DLGAP2: variants seen among roughly 807,000 people sequenced by gnomAD.
DLGAP2 encodes DLG associated protein 2.
Under a neutral mutation model 100.3 loss-of-function variants are expected in DLGAP2, and 26 were observed. The ratio of observed to expected loss-of-function variants is 0.26; its 90% CI spans 0.19 to 0.36. The LOEUF (loss-of-function observed/expected upper bound fraction) is 0.36, where lower values mean the gene tolerates loss of function less well. Ranked by LOEUF, DLGAP2 falls within the 10% of genes least tolerant of loss-of-function variation. DLGAP2 has a pLI of 1.00. For synonymous variants in DLGAP2, 886 were observed against 630.1 expected, an observed-to-expected ratio of 1.41 and a Z score of -6.08; for missense variants, 1,858 against 1,453.2, an observed-to-expected ratio of 1.28 and a Z score of -4.53.
chr8:1,154,855 C>A lies in DLGAP2; in HGVS notation c.74-103996C>A, dbSNP rs76785183. On this transcript the variant is annotated intron_variant, in intron 2 of 14. Coordinates refer to ENST00000637795, the MANE Select transcript of DLGAP2 (RefSeq NM_001346810.2). ...GCCTTGGAGTTAGGATTTCAGCTGC[C>A]GCTCTGCTCTTCCACCCTCCAGTGT... Among the ~76,000 whole-genome samples, 212 of 152,322 alleles carry A rather than the reference C, an allele frequency of 1.4e-3. 2 individuals carry two copies. The East Asian group carries it at 0.035, about 25-fold the overall frequency.
At chr8:1,549,870 A>G (rs552829625) in intron 5 of DLGAP2, among the ~76,000 whole-genome samples, 187 bp downstream of exon 5, 23 of 152,330 alleles carry the variant, frequency 1.5e-4, no homozygotes, top group African/African-American at 5.5e-4. Context: ...TTACATACGT[A>G]ATTTTTTTGG....
At chr8:1,018,708 T>A (rs902141704) in intron 2 of DLGAP2, 5 of 152,258 alleles carry the variant, frequency 3.3e-5, no homozygotes, top group Non-Finnish European at 5.9e-5. Flanking sequence ...CTATTTTAGG[T>A]CATATTCCTT....
intron 6 of DLGAP2, among the ~76,000 whole-genome samples, chr8:1,596,171 C>G (rs557528212): frequency 2.0e-4 from 30 of 152,244 alleles, no homozygotes; most frequent in Middle Eastern, 3.4e-3. Flanking sequence ...TGGTTTCCAG[C>G]TTCATCCATG....
At chr8:1,416,694 A>G (rs4298508) in intron 3 of DLGAP2, among the ~76,000 whole-genome samples, 99,526 of 151,950 alleles carry the variant, frequency 0.65, 32,878 homozygotes, top group East Asian at 0.82. Context: ...CTATCAGGTC[A>G]CTTAATAAGT....
intron 2 of DLGAP2, among the ~76,000 whole-genome samples, chr8:1,239,979 T>A (rs1418514020): frequency 1.2e-3 from 113 of 97,700 alleles, no homozygotes; most frequent in Middle Eastern, 0.024. Context: ...ACATAGCGTC[T>A]TGTCTAGTTC....
chr8:1,598,988 T>C (rs956797109), intron 6 of DLGAP2, among the ~76,000 whole-genome samples: 1 of 152,230 alleles, frequency 6.6e-6, no homozygotes, highest in Admixed American at 6.5e-5. Context: ...TTTCCCACTT[T>C]CTCCTGTGGG....
chr8:1,672,778 G>C (rs752902545), intron 10 of DLGAP2, among the ~76,000 whole-genome samples: 5 of 152,228 alleles, frequency 3.3e-5, no homozygotes, highest in Non-Finnish European at 4.4e-5. Flanking sequence ...CTCACCTGTA[G>C]CTCTGGGAGG....
At chr8:1,532,702 T>C (rs1182131479) in intron 4 of DLGAP2, among the ~76,000 whole-genome samples, 1 of 152,252 alleles carries the variant, frequency 6.6e-6, no homozygotes, top group Non-Finnish European at 1.5e-5. Context: ...TAATTTACAA[T>C]AGAGTTACTT....
intron 2 of DLGAP2, among the ~76,000 whole-genome samples, chr8:1,252,439 G>T (rs4308760): frequency 0.75 from 112,479 of 150,268 alleles, 42,649 homozygotes; most frequent in Non-Finnish European, 0.81. Context: ...TGCCACACTT[G>T]TCACACTGTG....
intron 4 of DLGAP2, among the ~76,000 whole-genome samples, chr8:1,529,446 A>C (rs76259636): frequency 0.021 from 3,180 of 152,332 alleles, 112 homozygotes; most frequent in African/African-American, 0.073. Flanking sequence ...AGTGGTGGCC[A>C]ACAAGATGGA....
intron 3 of DLGAP2, among the ~76,000 whole-genome samples, chr8:1,480,026 A>T (rs918567256): frequency 2.6e-5 from 4 of 152,192 alleles, no homozygotes; most frequent in Admixed American, 2.0e-4. Flanking sequence ...CCTGTAAGAC[A>T]GGTGCAATTA....
intron 3 of DLGAP2, among the ~76,000 whole-genome samples, chr8:1,325,243 C>T (rs935226472): frequency 5.9e-5 from 9 of 152,206 alleles, no homozygotes; most frequent in East Asian, 3.9e-4. Context: ...AGTCATTCCA[C>T]GACCCCAAGA....
rs564905128 is a variant in DLGAP2 at position 1,215,766 on chromosome 8, G to C, written c.74-43085G>C. Among the ~76,000 whole-genome samples, 58 of 116,538 alleles carry C rather than the reference G, an allele frequency of 5.0e-4. 1 individual carries two copies. Among genetic ancestry groups the C allele is most frequent in the Non-Finnish European group, 8.5e-4 (50 of 59,054 alleles). 76.5% of individuals were successfully genotyped at this position (116,538 alleles called of 152,430 possible). On this transcript the variant is annotated intron_variant, in intron 2 of 14. Coordinates refer to ENST00000637795, the MANE Select transcript of DLGAP2 (RefSeq NM_001346810.2). ...TCCAGGTACCTGGATGGGTTCATTT[G>C]GGTGCATCACCTGGAGACGTCCAGG...
At chr8:775,124 G>T (rs1248987394) in intron 1 of DLGAP2, among the ~76,000 whole-genome samples, 1 of 152,010 alleles carries the variant, frequency 6.6e-6, no homozygotes, top group African/African-American at 2.4e-5. Context: ...GTGAATGGGA[G>T]TTCACTCATG....
At chr8:863,457 G>A (rs1330779630) in intron 1 of DLGAP2, among the ~76,000 whole-genome samples, 2 of 152,192 alleles carry the variant, frequency 1.3e-5, no homozygotes, top group Non-Finnish European at 2.9e-5. Flanking sequence ...ACCTTGTTGT[G>A]TTTCGGCATT....
intron 2 of DLGAP2, among the ~76,000 whole-genome samples, chr8:1,058,080 C>G (rs1381645140): frequency 6.6e-6 from 1 of 152,148 alleles, no homozygotes; most frequent in East Asian, 1.9e-4. Context: ...CCTGCTCTGC[C>G]AAATTCCCCG....
At chr8:1,194,023 G>C (rs11777844) in intron 2 of DLGAP2, among the ~76,000 whole-genome samples, 4 of 151,948 alleles carry the variant, frequency 2.6e-5, no homozygotes, top group African/African-American at 9.7e-5. Flanking sequence ...TGGCATTACC[G>C]GGACCAAATC....
At chr8:1,227,061 T>A (rs1375422264) in intron 2 of DLGAP2, among the ~76,000 whole-genome samples, 5 of 147,608 alleles carry the variant, frequency 3.4e-5, no homozygotes, top group South Asian at 2.1e-4. Flanking sequence ...GCACTCCCTG[T>A]TCACCTGTTC....
intron 4 of DLGAP2, among the ~76,000 whole-genome samples, chr8:1,509,163 TCTACTAAAATA>T (rs944232687): frequency 4.6e-5 from 7 of 151,774 alleles, no homozygotes; most frequent in African/African-American, 1.7e-4. Flanking sequence ...AAACCCCGTC[TCTACTAAAATA>T]CAAAATATTA....
Sources: allele counts gnomAD v4.1 joint callset (sites outside exome capture counted in the v4.1 genomes callset), GRCh38; gene constraint gnomAD v4.1.1; transcripts MANE v1.5; gene names NCBI Gene and HGNC (gene_info 2026-07-23, HGNC 2026-07-21).